Variants in RPRD2 observed in about 807,000 individuals in gnomAD.
RPRD2 encodes the protein regulation of nuclear pre-mRNA domain containing 2, also known as regulation of nuclear pre-mRNA domain-containing protein 2.
In RPRD2, 12 loss-of-function variants were observed where a neutral mutation model predicts 104.4. The observed-to-expected ratio is 0.11, with a 90% confidence interval of 0.07 to 0.19. The LOEUF (loss-of-function observed/expected upper bound fraction) is 0.19, where lower values mean the gene tolerates loss of function less well. Ranked by LOEUF, RPRD2 falls within the 10% of genes least tolerant of loss-of-function variation. The pLI is 1.00. For synonymous variants in RPRD2, 714 were observed against 684.9 expected (o/e 1.04, Z -0.66); for missense variants, 1,543 against 1,790.1 (o/e 0.86, Z 2.49).
intron 1 of RPRD2, among the ~76,000 whole-genome samples, chr1:150,386,358 G>T (rs782635792): frequency 4.6e-5 from 7 of 152,162 alleles, no homozygotes; most frequent in Admixed American, 6.6e-5. Flanking sequence ...GCCGAGGCAG[G>T]TGGATTGCTT....
chr1:150,384,453 T>TC (rs1560154910), intron 1 of RPRD2, among the ~76,000 whole-genome samples: 1,265 of 34,010 alleles, frequency 0.037, 9 homozygotes, highest in African/African-American at 0.049. Context: ...TCATCATCAT[T>TC]ATTATTATTA....
intron 3 of RPRD2, chr1:150,441,378 A>G (rs1399197641): frequency 5.9e-5 from 13 of 219,866 alleles, no homozygotes; most frequent in Admixed American, 4.8e-4. Flanking sequence ...ATTTTTGCAC[A>G]GGGTGTCAGT....
intron 1 of RPRD2, among the ~76,000 whole-genome samples, chr1:150,392,092 C>CG (rs1274322625): frequency 2.0e-5 from 3 of 147,288 alleles, no homozygotes; most frequent in African/African-American, 7.6e-5. Context: ...CCCAGCTACT[C>CG]GGGAGAATCG....
At chr1:150,468,598 T>A (rs1668426565) in intron 10 of RPRD2, among the ~76,000 whole-genome samples, 1 of 152,150 alleles carries the variant, frequency 6.6e-6, no homozygotes, top group Non-Finnish European at 1.5e-5. Context: ...TAAATCAGGC[T>A]GGGCATGGTG....
chr1:150,441,586 A>G (rs1465930763), intron 3 of RPRD2: 12 of 262,656 alleles, frequency 4.6e-5, no homozygotes, highest in African/African-American at 2.7e-4. Context: ...TAAAAATGGC[A>G]TCTTCTAAGA....
At position 150,444,162 on chromosome 1, in the gene RPRD2, GT is replaced by G. The variant is rs1666602098; in HGVS notation, c.568-85del. 3.0e-6 allele frequency: 4 copies of G among 1,344,266 alleles called. No homozygotes were observed. In the Admixed American group the frequency reaches 9.6e-5, roughly 32 times the overall value. 83.3% of individuals were successfully genotyped at this position (1,344,266 alleles called of 1,614,324 possible). On this transcript the variant is annotated intron_variant, in intron 5 of 10. Coordinates refer to ENST00000369068, the MANE Select transcript of RPRD2 (RefSeq NM_015203.5). ...AGCTTTAGGGTGTTTGTTTTGTTTT[GT>G]TTTGTTTTGTTTTACAAAATGAGGA... is the stretch of plus-strand genomic sequence containing the variant.
intron 2 of RPRD2, among the ~76,000 whole-genome samples, chr1:150,426,735 T>C (rs1665150630): frequency 6.6e-6 from 1 of 152,196 alleles, no homozygotes; most frequent in African/African-American, 2.4e-5. Context: ...TGGGGAGTTA[T>C]TGTTCAATGG....
At chr1:150,419,005 C>G (rs1553889096) in intron 2 of RPRD2, among the ~76,000 whole-genome samples, 1 of 152,164 alleles carries the variant, frequency 6.6e-6, no homozygotes, top group African/African-American at 2.4e-5. Flanking sequence ...GAGTGAAACT[C>G]CGTCTCAAAA....
chr1:150,471,493 C>G lies in RPRD2; in HGVS notation c.2545C>G (p.Leu849Val). 2.5e-6 allele frequency: 4 copies of G among 1,613,844 alleles called. No individual in the cohort carries two copies. Among genetic ancestry groups the G allele is most frequent in the Non-Finnish European group, 3.4e-6 (4 of 1,179,886 alleles). ...SGPPPSAMMN[L>V]EKKPAKSILK... The stretch of plus-strand genomic sequence containing the variant: ...GCCTCCACCCTCTGCCATGATGAAC[C>G]TAGAGAAGAAACCAGCCAAATCTAT... The change falls in exon 11 of 11, where the codon CTA becomes GTA. Residue 849 changes from leucine (L) to valine (V), a missense_variant. By Grantham distance (32) the Leu-to-Val change is conservative. This residue lies in a region of RPRD2 where 880 missense variants were observed against 885.6 expected (regional missense o/e 0.99). Coordinates refer to ENST00000369068, the MANE Select transcript of RPRD2 (RefSeq NM_015203.5). This position sits in a 1 kb window ranked among gnomAD's most constrained non-coding sequence, Gnocchi z 5.3.
chr1:150,408,046 T>C (rs1291567820), intron 1 of RPRD2, among the ~76,000 whole-genome samples: 1 of 151,906 alleles, frequency 6.6e-6, no homozygotes, highest in African/African-American at 2.4e-5. Context: ...AATGTTGGGA[T>C]TATGGGTGTG....
Position 150,446,211 on chromosome 1 carries a change from C to T in RPRD2, c.695-15C>T, listed in dbSNP as rs782611020. ...TTATTTTATCCTGAAATGAATATTT[C>T]CCATGTCATTTTAGATAAAACAGGT... On this transcript the variant is annotated splice_polypyrimidine_tract_variant and intron_variant, in intron 6 of 10. Coordinates refer to ENST00000369068, the MANE Select transcript of RPRD2 (RefSeq NM_015203.5). 3.3e-6 allele frequency: 5 copies of T among 1,510,782 alleles called. No individual in the cohort carries two copies. In the East Asian group the frequency reaches 1.2e-4, roughly 35 times the overall value. 93.6% of individuals were successfully genotyped at this position (1,510,782 alleles called of 1,614,324 possible).
At chr1:150,399,010 G>GTT (rs1285474730) in intron 1 of RPRD2, among the ~76,000 whole-genome samples, 1 of 151,812 alleles carries the variant, frequency 6.6e-6, no homozygotes, top group African/African-American at 2.4e-5. Context: ...ATTTTAATTA[G>GTT]TTTATTTTTT....
chr1:150,470,510 T>TA (rs1668520048), intron 10 of RPRD2, 51 bp from the exon 11 acceptor site: 1 of 1,549,476 alleles, frequency 6.5e-7, no homozygotes, highest in Non-Finnish European at 8.7e-7. Flanking sequence ...TTGTTTGCAT[T>TA]GTATGATAGG....
chr1:150,436,568 C>T (rs916952355), intron 2 of RPRD2, among the ~76,000 whole-genome samples: 1 of 151,280 alleles, frequency 6.6e-6, no homozygotes, highest in Non-Finnish European at 1.5e-5. Flanking sequence ...CACTGCACTC[C>T]AGCCTGGGCA....
At chr1:150,429,263 T>C (rs1406862128) in intron 2 of RPRD2, among the ~76,000 whole-genome samples, 1 of 152,086 alleles carries the variant, frequency 6.6e-6, no homozygotes, top group Admixed American at 6.6e-5. Flanking sequence ...TGACTAATTT[T>C]GTATTTTTAG....
intron 7 of RPRD2, among the ~76,000 whole-genome samples, chr1:150,452,746 C>T (rs1553896904): frequency 7.0e-6 from 1 of 142,766 alleles, no homozygotes; most frequent in Non-Finnish European, 1.5e-5. Flanking sequence ...TCTCGGCTCA[C>T]TGCAACCTCC....
chr1:150,425,333 TA>T (rs782453873), intron 2 of RPRD2, among the ~76,000 whole-genome samples: 1 of 152,166 alleles, frequency 6.6e-6, no homozygotes, highest in Non-Finnish European at 1.5e-5. Flanking sequence ...AATATATTTT[TA>T]TATTGCTTTA....
intron 2 of RPRD2, among the ~76,000 whole-genome samples, chr1:150,431,741 A>G (rs1309308577): frequency 6.6e-6 from 1 of 151,982 alleles, no homozygotes; most frequent in Non-Finnish European, 1.5e-5. Flanking sequence ...TCAGCCTCCC[A>G]AAGTGCTGGG....
In RPRD2 at chr1:150,364,520, G is replaced by A. The variant is rs373853974; in HGVS notation, c.-195G>A. The A allele has an allele frequency of 1.7e-5, 9 of 544,096 alleles. No individual in the cohort carries two copies. The highest frequency in any genetic ancestry group is 9.8e-4 in the Middle Eastern group (2 of 2,050). 33.7% of individuals were successfully genotyped at this position (544,096 alleles called of 1,614,324 possible). A position where few individuals can be genotyped will look rare whatever the true frequency, so the allele number is the denominator to read the frequency against. ...CGCAGCCCCTCCTTGCAGCGTGTAG[G>A]AGCTGCCAGCGTGCCCAGCAGCTGG... On this transcript the variant is annotated 5_prime_UTR_variant, in exon 1 of 11. Transcript: ENST00000369068.
Sources: gnomAD v4.1 joint callset for allele counts (sites outside exome capture counted in the v4.1 genomes callset) on GRCh38, gnomAD v4.1.1 for gene constraint, gnomAD v4.1.1 regional missense constraint, Gnocchi (gnomAD v3.1) non-coding constraint, MANE v1.5 for transcripts, NCBI Gene and HGNC (gene_info 2026-07-23, HGNC 2026-07-21) for gene names.